USP10: variants seen among roughly 807,000 people sequenced by gnomAD.
The protein encoded by USP10 is ubiquitin specific peptidase 10, also known as ubiquitin carboxyl-terminal hydrolase 10.
In USP10, 22 loss-of-function variants were observed where a neutral mutation model predicts 84.5. The observed-to-expected ratio is 0.26, with a 90% CI of 0.19 to 0.37. The LOEUF is 0.37. USP10 is among the 10% of genes least tolerant of loss of function. The pLI is 1.00. For missense variants in USP10, 1,019 were observed against 998.9 expected (o/e 1.02, Z -0.27); for synonymous variants, 454 against 387.6 (o/e 1.17, Z -2.01).
At chr16:84,727,495 C>A (rs928340008) in intron 1 of USP10, among the ~76,000 whole-genome samples, 1 of 151,826 alleles carries the variant, frequency 6.6e-6, no homozygotes, top group Non-Finnish European at 1.5e-5. Context: ...AACAAAAACT[C>A]TTTATTTGCA....
rs552993087 is a variant in USP10 at position 84,758,238 on chromosome 16, A to G, written c.1193-478A>G. On this transcript the variant is annotated intron_variant, in intron 4 of 13. Transcript: ENST00000219473. ...CTCACTGAACAGCCATTGAACACAC[A>G]CAGTGATGTGTAGGGTCAGCATTAG... Among the ~76,000 whole-genome samples, 8 of 152,334 alleles carry G rather than the reference A, an allele frequency of 5.3e-5. No individual in the cohort carries two copies. The South Asian group carries it at 1.7e-3, about 32-fold the overall frequency.
Position 84,760,026 on chromosome 16 carries a change from T to A in USP10, c.1450+80T>A. The A allele has an allele frequency of 1.9e-6, 3 of 1,565,616 alleles. No individual in the cohort carries two copies. The South Asian group carries it at 3.3e-5, about 17-fold the overall frequency. On this transcript the variant is annotated intron_variant, in intron 7 of 13. Transcript: ENST00000219473. ...GATGACTTAAATTTGGTAAATTCAG[T>A]CTTGTTGGGAAGATAGTGTCTTTAC...
At chr16:84,742,814 A>G (rs1324797048) in intron 3 of USP10, among the ~76,000 whole-genome samples, 2 of 152,228 alleles carry the variant, frequency 1.3e-5, no homozygotes, top group Non-Finnish European at 2.9e-5. Context: ...TATTGAGTAA[A>G]TGTTTGATAC....
intron 1 of USP10, among the ~76,000 whole-genome samples, chr16:84,730,340 C>A (rs1011554106): frequency 2.0e-5 from 3 of 151,946 alleles, no homozygotes; most frequent in Non-Finnish European, 4.4e-5. Context: ...AGATCTCTCG[C>A]TGTCTGTACC....
At chr16:84,747,239 G>GTTTA (rs962910405) in intron 4 of USP10, among the ~76,000 whole-genome samples, 1 of 152,154 alleles carries the variant, frequency 6.6e-6, no homozygotes, top group Non-Finnish European at 1.5e-5. Flanking sequence ...AAGCTGTTTG[G>GTTTA]TTTAGGCTTT....
At chr16:84,701,873 T>C (rs2150747611) in intron 1 of USP10, among the ~76,000 whole-genome samples, 1 of 152,106 alleles carries the variant, frequency 6.6e-6, no homozygotes, top group South Asian at 2.1e-4. Context: ...ATTTAAATGC[T>C]TTTAAGTTTT....
intron 1 of USP10, among the ~76,000 whole-genome samples, chr16:84,713,963 A>G (rs376100125): frequency 3.2e-4 from 48 of 152,338 alleles, no homozygotes; most frequent in African/African-American, 1.1e-3. Context: ...TTGGCTGGGA[A>G]GGTGGATGGG....
At chr16:84,706,043 A>G (rs530260048) in intron 1 of USP10, among the ~76,000 whole-genome samples, 15 of 152,114 alleles carry the variant, frequency 9.9e-5, no homozygotes, top group African/African-American at 3.6e-4. Context: ...TCTTTGAAAA[A>G]AACAATTTGT....
At chr16:84,728,767 G>A (rs1367931090) in intron 1 of USP10, among the ~76,000 whole-genome samples, 1 of 152,078 alleles carries the variant, frequency 6.6e-6, no homozygotes, top group Non-Finnish European at 1.5e-5. Flanking sequence ...TCCCAATAAA[G>A]TTGTCATATT....
rs1904624677 is a variant in USP10, at chr16:84,700,026, G to A, written c.-65G>A. ...AGTGTGTATGTGCGGGCGAGAAGAT[G>A]GCGGCGGCGGGGGAAGCAGCGTGAG... On this transcript the variant is annotated 5_prime_UTR_variant, in exon 1 of 14. The change abolishes an upstream ATG in the 5' untranslated region. Coordinates refer to ENST00000219473, the MANE Select transcript of USP10 (RefSeq NM_005153.3). The A allele has an allele frequency of 3.8e-6, 5 of 1,327,004 alleles. No homozygotes were observed. The highest frequency in any genetic ancestry group is 4.9e-6 in the Non-Finnish European group (5 of 1,013,010). The allele number at this position is 1,327,004 out of a possible 1,614,324, so 82.2% of individuals were successfully genotyped here. A position where few individuals can be genotyped will look rare whatever the true frequency, so the allele number is the denominator to read the frequency against.
At chr16:84,723,206 T>C (rs1908039874) in intron 1 of USP10, among the ~76,000 whole-genome samples, 1 of 152,122 alleles carries the variant, frequency 6.6e-6, no homozygotes, top group Non-Finnish European at 1.5e-5. Context: ...AAGTGGTTTC[T>C]CTTTAGCTTG....
At chr16:84,739,292 G>A (rs8056258) in intron 2 of USP10, among the ~76,000 whole-genome samples, 3,024 of 150,956 alleles carry the variant, frequency 0.02, 90 homozygotes, top group African/African-American at 0.07. Flanking sequence ...TGGTTTTTGA[G>A]ACAAAGTCTT....
chr16:84,775,358 G>C (rs188106625), intron 13 of USP10, 133 bp downstream of exon 13: 7 of 821,520 alleles, frequency 8.5e-6, no homozygotes, highest in Non-Finnish European at 1.2e-5. Flanking sequence ...CTTGTGAGTC[G>C]GGGAGTCACG....
intron 1 of USP10, among the ~76,000 whole-genome samples, chr16:84,713,891 T>TG (rs1423414031): frequency 6.6e-6 from 1 of 152,240 alleles, no homozygotes; most frequent in Non-Finnish European, 1.5e-5. Flanking sequence ...AGACCTGGCG[T>TG]GTGCCGTGTC....
At chr16:84,777,607 G>A (rs913724867) in intron 13 of USP10, among the ~76,000 whole-genome samples, 6 of 152,276 alleles carry the variant, frequency 3.9e-5, no homozygotes, top group East Asian at 1.9e-4. Context: ...CTCCTCCGGG[G>A]TCCCTGCACA....
At chr16:84,734,533 G>C (rs1909646282) in intron 2 of USP10, among the ~76,000 whole-genome samples, 1 of 152,168 alleles carries the variant, frequency 6.6e-6, no homozygotes, top group Non-Finnish European at 1.5e-5. Context: ...ACAGGCATCT[G>C]TTCCTAGCAT....
At chr16:84,756,888 T>A (rs561448347) in intron 4 of USP10, among the ~76,000 whole-genome samples, 72 of 152,310 alleles carry the variant, frequency 4.7e-4, no homozygotes, top group African/African-American at 1.7e-3. Context: ...ACTTTAAGCC[T>A]GTGGGGAAAA....
At position 84,744,681 on chromosome 16, in the gene USP10, C is replaced by A. The variant is rs1162543171; in HGVS notation, c.200C>A (p.Pro67His). ...TTTGGTGTCGATGAAGTCATTGAAC[C>A]CAGTGACACTTTGCCGAGAACCCCC... The part of the protein sequence containing the change: ...IEFGVDEVIE[P>H]SDTLPRTPSY... Residue 67 changes from proline to histidine, a missense_variant, in exon 4 of 14, where the codon CCC becomes CAC. This residue lies in a region of USP10 where 787 missense variants were observed against 708.8 expected (regional missense o/e 1.11). Transcript: ENST00000219473. 1 of 1,613,208 alleles carries A rather than the reference C, an allele frequency of 6.2e-7. No homozygotes were observed. Among genetic ancestry groups the A allele is most frequent in the Non-Finnish European group, 8.5e-7 (1 of 1,179,496 alleles).
In USP10 at chr16:84,700,004, G is replaced by A. The variant is rs1323539282; in HGVS notation, c.-87G>A. 10 of 1,262,952 alleles carry A rather than the reference G, an allele frequency of 7.9e-6. No individual in the cohort carries two copies. In the African/African-American group the frequency reaches 1.3e-4, roughly 16 times the overall value. 78.2% of individuals were successfully genotyped at this position (1,262,952 alleles called of 1,614,324 possible). On this transcript the variant is annotated 5_prime_UTR_variant, in exon 1 of 14. The change creates a new upstream start codon in the 5' untranslated region. Transcript: ENST00000219473. The stretch of plus-strand genomic sequence containing the variant: ...CGCAGGCGCGGCGGCCGATGCGAGT[G>A]TGTATGTGCGGGCGAGAAGATGGCG...
Sources: allele counts gnomAD v4.1 joint callset (sites outside exome capture counted in the v4.1 genomes callset), GRCh38; gene constraint gnomAD v4.1.1; regional missense constraint gnomAD v4.1.1; transcripts MANE v1.5; gene names NCBI Gene and HGNC (gene_info 2026-07-23, HGNC 2026-07-21).